The following USH2A variants were observed in gnomAD, a reference collection of about 807,000 sequenced individuals.
USH2A encodes Usher syndrome 2A (autosomal recessive, mild).
USH2A carries 443 observed loss-of-function variants against 538.9 expected under a neutral mutation model. The observed-to-expected ratio is 0.82, with a 90% CI of 0.76 to 0.89. The LOEUF is 0.89. Ranked by LOEUF, USH2A falls within the 40% of genes least tolerant of loss-of-function variation. The probability of loss-of-function intolerance (pLI) is 0.00; values close to 1 mark genes in which losing one functional copy is unlikely to be tolerated. For missense variants in USH2A, 6,633 were observed against 6,324.8 expected (o/e 1.05, Z -1.65); for synonymous variants, 2,413 against 2,273.5 (o/e 1.06, Z -1.75).
rs772263296 is a variant in USH2A, at chr1:216,196,717, C to T, written c.4087G>A (p.Val1363Ile). Residue 1363 changes from valine (V) to isoleucine (I), a missense_variant, in exon 19 of 72, where the codon GTA becomes ATA. By Grantham distance (29) the Val-to-Ile change is conservative. Transcript: ENST00000307340. ...AAGACTGAAGGAGGGATCATGAATACAGGTGCTATCAATGAGAACAATAAC... is the reference window on the plus strand; with the variant it reads ...AAGACTGAAGGAGGGATCATGAATATAGGTGCTATCAATGAGAACAATAAC... ...VSERTGESAP[V>I]FMIPPSVFPL... 6.2e-7 allele frequency: 1 copy of T among 1,612,774 alleles called. No individual in the cohort carries two copies. Among genetic ancestry groups the T allele is most frequent in the Admixed American group, 1.7e-5 (1 of 59,918 alleles).
intron 50 of USH2A, among the ~76,000 whole-genome samples, chr1:215,794,578 T>C (rs1030333282): frequency 2.0e-5 from 3 of 152,196 alleles, no homozygotes; most frequent in African/African-American, 7.2e-5. Context: ...ATGTGGAATC[T>C]GTCTATTTTC....
At chr1:215,876,014 C>T (rs1205318946) in intron 43 of USH2A, among the ~76,000 whole-genome samples, 1 of 150,212 alleles carries the variant, frequency 6.7e-6, no homozygotes, top group Non-Finnish European at 1.5e-5. Flanking sequence ...GGAAGGGTTC[C>T]TCCACTAGAT....
chr1:215,923,015 T>G (rs1170454121), intron 38 of USH2A, among the ~76,000 whole-genome samples: 3 of 152,072 alleles, frequency 2.0e-5, no homozygotes, highest in Non-Finnish European at 4.4e-5. Context: ...TTATCTCATG[T>G]GACATCCAGC....
intron 64 of USH2A, among the ~76,000 whole-genome samples, chr1:215,663,270 T>TG (rs963261674): frequency 6.6e-6 from 1 of 152,168 alleles, no homozygotes; most frequent in Non-Finnish European, 1.5e-5. Flanking sequence ...GGGGATCGGA[T>TG]GGGGGCATGG....
At chr1:215,812,997 A>G (rs1156248337) in intron 49 of USH2A, among the ~76,000 whole-genome samples, 1 of 152,208 alleles carries the variant, frequency 6.6e-6, no homozygotes, top group Non-Finnish European at 1.5e-5. Flanking sequence ...TTACTTGTAA[A>G]CTGCCTTGTA....
chr1:216,275,260 A>T (rs2036651005), intron 11 of USH2A, among the ~76,000 whole-genome samples: 1 of 152,108 alleles, frequency 6.6e-6, no homozygotes, highest in African/African-American at 2.4e-5. Context: ...CATAAATGTC[A>T]TCTGAATGGC....
At chr1:216,416,445 C>T (rs934857297) in intron 3 of USH2A, among the ~76,000 whole-genome samples, 1 of 152,034 alleles carries the variant, frequency 6.6e-6, no homozygotes, top group African/African-American at 2.4e-5. Flanking sequence ...TAGTTTAAAA[C>T]TTATGCAAAA....
chr1:216,113,453 G>T (rs1351662823), intron 21 of USH2A, among the ~76,000 whole-genome samples: 1 of 152,120 alleles, frequency 6.6e-6, no homozygotes, highest in African/African-American at 2.4e-5. Context: ...CTAGCATCAG[G>T]AATAGTTTGG....
intron 49 of USH2A, among the ~76,000 whole-genome samples, chr1:215,799,668 A>G (rs1662261364): frequency 6.6e-6 from 1 of 151,888 alleles, no homozygotes; most frequent in Non-Finnish European, 1.5e-5. Flanking sequence ...TCTTCACATG[A>G]CAGTCTGGGA....
chr1:215,886,301 G>A (rs976571978), intron 41 of USH2A, among the ~76,000 whole-genome samples: 2 of 152,078 alleles, frequency 1.3e-5, no homozygotes, highest in South Asian at 2.1e-4. Context: ...AAGAGAAGTC[G>A]TTGTTTAGCT....
intron 27 of USH2A, 110 bp from the exon 28 acceptor site, chr1:216,073,410 A>G: frequency 8.5e-7 from 1 of 1,174,164 alleles, no homozygotes; most frequent in Non-Finnish European, 1.2e-6. Flanking sequence ...GGTTAGATAC[A>G]ATTGCTAGAC....
Position 215,648,588 on chromosome 1 carries a change from G to A in USH2A, c.14522C>T (p.Ala4841Val), listed in dbSNP as rs1317945547. The A allele has an allele frequency of 1.9e-6, 3 of 1,614,198 alleles. No individual in the cohort carries two copies. Among genetic ancestry groups the A allele is most frequent in the Middle Eastern group, 1.6e-4 (1 of 6,062 alleles). ...GLSSPQIGTL[A>V]SRTASFRWSP... Reference sequence around the variant, plus strand: ...CCACCGGAAGGAGGCCGTCCTTGAGGCCAGCGTCCCGATTTGTGGAGAGGA... The same window carrying A: ...CCACCGGAAGGAGGCCGTCCTTGAGACCAGCGTCCCGATTTGTGGAGAGGA... Residue 4841 changes from alanine to valine, a missense_variant, in exon 66 of 72, where the codon GCC becomes GTC. Coordinates refer to ENST00000307340, the MANE Select transcript of USH2A (RefSeq NM_206933.4).
chr1:215,870,796 T>C (rs895203655), intron 43 of USH2A, among the ~76,000 whole-genome samples: 6 of 152,108 alleles, frequency 3.9e-5, no homozygotes, highest in Non-Finnish European at 7.4e-5. Flanking sequence ...ATGTATACTG[T>C]TTTTCAAATG....
At chr1:216,218,151 T>C (rs1394878269) in intron 14 of USH2A, among the ~76,000 whole-genome samples, 1 of 152,118 alleles carries the variant, frequency 6.6e-6, no homozygotes, top group African/African-American at 2.4e-5. Context: ...TAAACTTAGT[T>C]ATCCATAATG....
chr1:216,383,657 T>C (rs915052021), intron 3 of USH2A, among the ~76,000 whole-genome samples: 1 of 152,130 alleles, frequency 6.6e-6, no homozygotes, highest in Non-Finnish European at 1.5e-5. Context: ...TCTTCACGTA[T>C]AATTCTTTTC....
At chr1:215,714,255 G>C (rs1179114443) in intron 61 of USH2A, among the ~76,000 whole-genome samples, 1 of 152,212 alleles carries the variant, frequency 6.6e-6, no homozygotes, top group African/African-American at 2.4e-5. Flanking sequence ...AAATATTAAA[G>C]AGAAAAATAA....
At chr1:216,295,525 C>G (rs952429564) in intron 9 of USH2A, among the ~76,000 whole-genome samples, 9 of 151,738 alleles carry the variant, frequency 5.9e-5, no homozygotes, top group African/African-American at 2.2e-4. Flanking sequence ...TCAGAAAATT[C>G]TCATTTTGCA....
chr1:216,352,214 G>C (rs1447069284), intron 4 of USH2A, among the ~76,000 whole-genome samples: 1 of 151,988 alleles, frequency 6.6e-6, no homozygotes, highest in Non-Finnish European at 1.5e-5. Context: ...CTGTAGACAC[G>C]GGAGCAGAGC....
chr1:215,639,727 T>A (rs1293063001), intron 68 of USH2A, among the ~76,000 whole-genome samples: 2 of 152,178 alleles, frequency 1.3e-5, no homozygotes. Flanking sequence ...CCTGGCCAGG[T>A]AGAACCTGTG....
Sources: allele counts gnomAD v4.1 joint callset (sites outside exome capture counted in the v4.1 genomes callset), GRCh38; gene constraint gnomAD v4.1.1; transcripts MANE v1.5; gene names NCBI Gene and HGNC (gene_info 2026-07-23, HGNC 2026-07-21).